The following ZNF519 variants were observed in gnomAD, a reference collection of about 807,000 sequenced individuals.
The protein encoded by ZNF519 is zinc finger protein 519.
ZNF519 carries 7 observed loss-of-function variants against 7.4 expected under a neutral mutation model. That is an observed-to-expected ratio of 0.94 (90% CI 0.54 to 1.77). ZNF519 has a LOEUF of 1.77. Ranked by LOEUF, ZNF519 falls within the 40% of genes most tolerant of loss-of-function variation. The probability of loss-of-function intolerance (pLI) is 0.00; values close to 1 mark genes in which losing one functional copy is unlikely to be tolerated. For missense variants in ZNF519, 586 were observed against 623.1 expected (o/e 0.94, Z 0.63); for synonymous variants, 179 against 203.3 (o/e 0.88, Z 1.02).
chr18:14,077,700 T>C (rs1446478337), intron 4 of ZNF519, among the ~76,000 whole-genome samples: 1 of 152,138 alleles, frequency 6.6e-6, no homozygotes, highest in Non-Finnish European at 1.5e-5. Context: ...AGGACTCATG[T>C]AGATGGAGCA....
In ZNF519 at chr18:14,091,787, A is replaced by G. The variant is rs375808932; in HGVS notation, c.131-6711T>C. On this transcript the variant is annotated intron_variant and NMD_transcript_variant, in intron 2 of 4. Coordinates refer to the ZNF519 transcript ENST00000587419. ...GCAATATTGGTAGAAGAGGTCAGTA[A>G]AAAATATTGAGGATCACACACCTGA... 3.4e-4 allele frequency among the ~76,000 whole-genome samples: 52 copies of G among 152,198 alleles called. 1 individual carries two copies. In the South Asian group the frequency reaches 9.5e-3, roughly 28 times the overall value.
downstream of ZNF519, chr18:14,074,796 T>C (rs2046041363): frequency 6.6e-6 from 1 of 152,316 alleles, no homozygotes; most frequent in Non-Finnish European, 1.5e-5. Flanking sequence ...CCATCTCAAG[T>C]ATTCCAACCT....
intron 2 of ZNF519, among the ~76,000 whole-genome samples, chr18:14,113,520 G>T (rs2046231987): frequency 6.6e-6 from 1 of 152,068 alleles, no homozygotes; most frequent in South Asian, 2.1e-4. Context: ...TGTGTCATAG[G>T]TGTGCATCCT....
At chr18:14,095,489 G>A (rs1196471152), downstream of ZNF519, among the ~76,000 whole-genome samples, 2 of 152,238 alleles carry the variant, frequency 1.3e-5, no homozygotes, top group Non-Finnish European at 2.9e-5. Flanking sequence ...GACCAAGGCA[G>A]CACAGAGACA....
intron 2 of ZNF519, among the ~76,000 whole-genome samples, chr18:14,116,725 G>A (rs996203886): frequency 6.6e-6 from 1 of 152,194 alleles, no homozygotes; most frequent in Non-Finnish European, 1.5e-5. Context: ...AATATAGGGT[G>A]ACTGGGTGTG....
chr18:14,116,720 AG>A (rs1178538268), intron 2 of ZNF519, among the ~76,000 whole-genome samples: 3 of 152,202 alleles, frequency 2.0e-5, no homozygotes, highest in African/African-American at 4.8e-5. Flanking sequence ...AGGAAAATAT[AG>A]GGTGACTGGG....
At chr18:14,098,413 G>A (rs2046146570), downstream of ZNF519, among the ~76,000 whole-genome samples, 1 of 152,046 alleles carries the variant, frequency 6.6e-6, no homozygotes, top group Non-Finnish European at 1.5e-5. Context: ...ACCTGCCTTG[G>A]CCTCCCAAAG....
At chr18:14,124,112 G>T (rs1013760579) in intron 2 of ZNF519, 3 of 226,244 alleles carry the variant, frequency 1.3e-5, no homozygotes, top group Non-Finnish European at 2.5e-5. Context: ...GGTGGAGGTT[G>T]CAGTGAGCCA....
chr18:14,114,754 T>C (rs2046237667), intron 2 of ZNF519, among the ~76,000 whole-genome samples: 1 of 152,100 alleles, frequency 6.6e-6, no homozygotes, highest in Non-Finnish European at 1.5e-5. Context: ...GTAACTATAG[T>C]CAAAAGCAAT....
chr18:14,089,662 T>C (rs377546159), intron 2 of ZNF519, among the ~76,000 whole-genome samples: 1 of 152,306 alleles, frequency 6.6e-6, no homozygotes, highest in South Asian at 2.1e-4. Flanking sequence ...ATAGACATGA[T>C]CCATATATTG....
chr18:14,121,566 C>CT (rs1034871535), intron 2 of ZNF519, among the ~76,000 whole-genome samples: 8 of 151,728 alleles, frequency 5.3e-5, no homozygotes, highest in Non-Finnish European at 8.8e-5. Context: ...AAACTGTGGG[C>CT]TTTTTTTTAA....
rs1322323097 is a variant in ZNF519 at position 14,103,167 on chromosome 18, A to G, written c.*1750T>C. The G allele has an allele frequency of 6.6e-6, 1 of 152,088 alleles. No individual in the cohort carries two copies. Among genetic ancestry groups the G allele is most frequent in the Non-Finnish European group, 1.5e-5 (1 of 67,968 alleles). The allele number at this position is 152,088 out of a possible 1,614,324, so 9.4% of individuals were successfully genotyped here. On this transcript the variant is annotated 3_prime_UTR_variant, in exon 3 of 3. Transcript: ENST00000590202. The stretch of plus-strand genomic sequence containing the variant: ...AATGGGCAGAAAAAGTGGGAAGATC[A>G]ACAGGAAAACATAACACTTGAACAC...
At chr18:14,132,057 T>C (rs947270497) in intron 1 of ZNF519, among the ~76,000 whole-genome samples, 1 of 152,074 alleles carries the variant, frequency 6.6e-6, no homozygotes, top group Non-Finnish European at 1.5e-5. Flanking sequence ...CTGGGGAAGA[T>C]GCAGGGCTGC....
chr18:14,128,069 CA>C (rs1286064809), intron 1 of ZNF519, among the ~76,000 whole-genome samples: 2 of 151,882 alleles, frequency 1.3e-5, no homozygotes, highest in African/African-American at 4.8e-5. Context: ...ACGGGCGGAT[CA>C]CGAGGTCAGG....
At chr18:14,106,435 A>G in intron 2 of ZNF519, 26 bp from the exon 3 acceptor site, 1 of 1,531,286 alleles carries the variant, frequency 6.5e-7, no homozygotes, top group Non-Finnish European at 8.8e-7. Flanking sequence ...ATAACTAATT[A>G]TTCTACATAC....
intron 2 of ZNF519, among the ~76,000 whole-genome samples, chr18:14,121,097 TA>T (rs2046267905): frequency 6.6e-6 from 1 of 152,028 alleles, no homozygotes; most frequent in South Asian, 2.1e-4. Context: ...AGACAAACTG[TA>T]TGTTCTCAAT....
rs574843423 is a variant in ZNF519, at chr18:14,100,000, A to T, written c.*4917T>A. On this transcript the variant is annotated 3_prime_UTR_variant, in exon 3 of 3. Coordinates refer to ENST00000590202, the MANE Select transcript of ZNF519 (RefSeq NM_145287.4). ...GTGAGCTAGTAACCAGAATATAAAC[A>T]GAACTCTCAAAACTTGCAAGAAAAC... The T allele has an allele frequency of 1.2e-4, 19 of 152,374 alleles. No individual in the cohort carries two copies. Among genetic ancestry groups the T allele is most frequent in the African/African-American group, 3.8e-4 (16 of 41,596 alleles). The allele number at this position is 152,374 out of a possible 1,614,324, so 9.4% of individuals were successfully genotyped here.
chr18:14,080,204 T>C (rs2046064921), intron 3 of ZNF519: 1 of 150,704 alleles, frequency 6.6e-6, no homozygotes, highest in Admixed American at 6.6e-5. Flanking sequence ...ATGGCCAAAA[T>C]CTAGAACACT....
intron 2 of ZNF519, among the ~76,000 whole-genome samples, chr18:14,086,361 G>A (rs2046090425): frequency 6.6e-6 from 1 of 152,166 alleles, no homozygotes. Context: ...AATCTCAGGG[G>A]CCGGAAAGCT....
Sources: gnomAD v4.1 joint callset for allele counts (sites outside exome capture counted in the v4.1 genomes callset) on GRCh38, gnomAD v4.1.1 for gene constraint, MANE v1.5 for transcripts, NCBI Gene and HGNC (gene_info 2026-07-23, HGNC 2026-07-21) for gene names.